KLF12: variants seen among roughly 807,000 people sequenced by gnomAD.
KLF12 encodes Krueppel-like factor 12.
In KLF12, 9 loss-of-function variants were observed where a neutral mutation model predicts 37.8. The ratio of observed to expected loss-of-function variants is 0.24; its 90% CI spans 0.14 to 0.42. KLF12 has a LOEUF of 0.42. Among genes scored for constraint, KLF12 ranks in the 10% least tolerant of loss-of-function variants. KLF12 has a pLI of 1.00. For synonymous variants in KLF12, 208 were observed against 202.1 expected, an observed-to-expected ratio of 1.03 and a Z score of -0.25; for missense variants, 411 against 516.0, an observed-to-expected ratio of 0.80 and a Z score of 1.97.
the KLF12 span, among the ~76,000 whole-genome samples, chr13:74,251,908 C>T: frequency 3.3e-5 from 5 of 152,250 alleles, no homozygotes; most frequent in Non-Finnish European, 5.9e-5. Flanking sequence ...CAGTTGCAAG[C>T]GGGCAGGGTC....
rs147369980 is a variant in KLF12, at chr13:73,966,834, C to T, written c.34-22764G>A. ...ATGTTAGTTAATATTCCAAAACATG[C>T]AGCTGACTTCTAGCTAACTGACTTG... On this transcript the variant is annotated intron_variant, in intron 2 of 7. Transcript: ENST00000377669. Among the ~76,000 whole-genome samples, 326 of 152,264 alleles carry T rather than the reference C, an allele frequency of 2.1e-3. 3 individuals carry two copies. Among genetic ancestry groups the T allele is most frequent in the African/African-American group, 7.4e-3 (309 of 41,542 alleles).
chr13:73,699,319 G>A (rs1041289017), intron 7 of KLF12, among the ~76,000 whole-genome samples: 2 of 151,910 alleles, frequency 1.3e-5, no homozygotes, highest in African/African-American at 2.4e-5. Context: ...CAAGACTTCT[G>A]GTCTACAGAT....
chr13:74,199,292 A>C, the KLF12 span, among the ~76,000 whole-genome samples: 1 of 152,220 alleles, frequency 6.6e-6, no homozygotes, highest in Non-Finnish European at 1.5e-5. Flanking sequence ...TTTACTTCAA[A>C]GTGACTGCCC....
intron 1 of KLF12, among the ~76,000 whole-genome samples, chr13:74,052,332 TG>T (rs1260487081): frequency 2.6e-5 from 4 of 152,176 alleles, no homozygotes; most frequent in Non-Finnish European, 5.9e-5. Flanking sequence ...TCACGCTGCC[TG>T]GGTTTACCTG....
intron 2 of KLF12, among the ~76,000 whole-genome samples, chr13:73,953,437 A>G (rs1291870599): frequency 1.3e-5 from 2 of 152,192 alleles, no homozygotes; most frequent in Admixed American, 6.5e-5. Flanking sequence ...ACAAATTGCT[A>G]TTTGCCAAAG....
At chr13:73,739,237 T>TTAATAATAA (rs138002893) in intron 6 of KLF12, among the ~76,000 whole-genome samples, 3,243 of 143,576 alleles carry the variant, frequency 0.023, 62 homozygotes, top group African/African-American at 0.054. Flanking sequence ...CTGTCTCAAA[T>TTAATAATAA]TAATAATAAT....
chr13:74,253,663 G>A, the KLF12 span, among the ~76,000 whole-genome samples: 2,541 of 152,258 alleles, frequency 0.017, 83 homozygotes, highest in African/African-American at 0.058. Context: ...GCCTGTTAGA[G>A]CACATAGAGC....
At chr13:74,062,940 C>T (rs937243941) in intron 1 of KLF12, among the ~76,000 whole-genome samples, 4 of 152,186 alleles carry the variant, frequency 2.6e-5, no homozygotes, top group Admixed American at 2.6e-4. Context: ...CCTCTTCACC[C>T]ACTTTCTGTG....
chr13:74,093,467 A>G (rs1875794363), intron 1 of KLF12, among the ~76,000 whole-genome samples: 1 of 152,176 alleles, frequency 6.6e-6, no homozygotes, highest in Admixed American at 6.5e-5. Context: ...TAGCATAAAG[A>G]ATAAGAAAAT....
chr13:73,964,027 C>T (rs1417322042), intron 2 of KLF12, among the ~76,000 whole-genome samples: 1 of 152,178 alleles, frequency 6.6e-6, no homozygotes, highest in Non-Finnish European at 1.5e-5. Context: ...TTTGTTTCTA[C>T]AATTTATTAC....
chr13:73,698,621 T>C (rs1179803531), intron 7 of KLF12, among the ~76,000 whole-genome samples: 6 of 152,236 alleles, frequency 3.9e-5, no homozygotes. Context: ...ATAAACATTA[T>C]ATACGATTTA....
the KLF12 span, among the ~76,000 whole-genome samples, chr13:74,181,653 C>T: frequency 1.3e-4 from 19 of 148,592 alleles, no homozygotes; most frequent in African/African-American, 3.0e-4. Context: ...GAGCCAAGAT[C>T]GCACCACTGC....
chr13:74,047,906 A>G (rs1192824466), intron 1 of KLF12, among the ~76,000 whole-genome samples: 1 of 152,214 alleles, frequency 6.6e-6, no homozygotes, highest in East Asian at 1.9e-4. Flanking sequence ...TGGCTTAGAC[A>G]TTACTGAAGT....
At chr13:73,802,600 G>A (rs1882340061) in intron 5 of KLF12, among the ~76,000 whole-genome samples, 1 of 152,092 alleles carries the variant, frequency 6.6e-6, no homozygotes, top group African/African-American at 2.4e-5. Context: ...GTACCCAAGA[G>A]TTAATTTTCC....
chr13:74,152,593 A>C, the KLF12 span, among the ~76,000 whole-genome samples: 1 of 152,160 alleles, frequency 6.6e-6, no homozygotes, highest in Non-Finnish European at 1.5e-5. Context: ...ACAATAATTT[A>C]AAAAATCAGC....
chr13:74,175,334 A>G, the KLF12 span, among the ~76,000 whole-genome samples: 1 of 152,206 alleles, frequency 6.6e-6, no homozygotes, highest in African/African-American at 2.4e-5. Flanking sequence ...GAAGCCAGAA[A>G]GAATGACATG....
chr13:73,754,670 A>G (rs1304182738), intron 6 of KLF12, among the ~76,000 whole-genome samples: 2 of 152,184 alleles, frequency 1.3e-5, no homozygotes, highest in Non-Finnish European at 2.9e-5. Flanking sequence ...TAACAAGGCT[A>G]CTGCTGGCAA....
At chr13:73,938,532 C>T (rs1278970718) in intron 3 of KLF12, among the ~76,000 whole-genome samples, 4 of 152,180 alleles carry the variant, frequency 2.6e-5, no homozygotes, top group Non-Finnish European at 5.9e-5. Flanking sequence ...ATGAATGAAT[C>T]ACCACTTATT....
intron 3 of KLF12, among the ~76,000 whole-genome samples, chr13:73,860,108 T>C (rs977310594): frequency 1.3e-5 from 2 of 152,198 alleles, no homozygotes; most frequent in Non-Finnish European, 2.9e-5. Flanking sequence ...TTGCGTTTTA[T>C]ATGATCAGTT....
Sources: allele counts gnomAD v4.1 joint callset (sites outside exome capture counted in the v4.1 genomes callset), GRCh38; gene constraint gnomAD v4.1.1; transcripts MANE v1.5; gene names NCBI Gene and HGNC (gene_info 2026-07-23, HGNC 2026-07-21).